Variants in ANKRD50 observed in about 807,000 individuals in gnomAD.
ANKRD50 encodes the protein ankyrin repeat domain 50, also known as ankyrin repeat domain-containing protein 50.
In ANKRD50, 40 loss-of-function variants were observed where a neutral mutation model predicts 112.0. The observed-to-expected ratio is 0.36, with a 90% confidence interval of 0.28 to 0.46. The LOEUF is 0.46. Ranked by LOEUF, ANKRD50 falls within the 20% of genes least tolerant of loss-of-function variation. The pLI is 1.00. For synonymous variants in ANKRD50, 613 were observed against 619.1 expected, an observed-to-expected ratio of 0.99 and a Z score of 0.15; for missense variants, 1,487 against 1,701.7, an observed-to-expected ratio of 0.87 and a Z score of 2.22.
In ANKRD50 at chr4:124,689,751, G is replaced by A. The variant is rs546970824; in HGVS notation, c.513-10846C>T. 3.3e-5 allele frequency among the ~76,000 whole-genome samples: 5 copies of A among 152,282 alleles called. No individual in the cohort carries two copies. In the South Asian group the frequency reaches 8.3e-4, roughly 25 times the overall value. On this transcript the variant is annotated intron_variant, in intron 2 of 4. Coordinates refer to ENST00000504087, the MANE Select transcript of ANKRD50 (RefSeq NM_020337.3). ...AGTGGCTCTCCTGGGTTTGCAGCTT[G>A]TTGACTACAGGTCTTAGGATTTCTT... is the stretch of plus-strand genomic sequence containing the variant.
At position 124,705,097 on chromosome 4, in the gene ANKRD50, A is replaced by C. The variant is rs183091080; in HGVS notation, c.512+4903T>G. Among the ~76,000 whole-genome samples the C allele has an allele frequency of 3.0e-3, 431 of 145,324 alleles. 1 individual carries two copies. The highest frequency in any genetic ancestry group is 0.011 in the African/African-American group (411 of 38,294). Reference sequence around the variant, plus strand: ...TAACAGAGCAAGACTCCATCTCAAAAAAACAAACAAACAAACAAACAAAAA... The same window carrying C: ...TAACAGAGCAAGACTCCATCTCAAACAAACAAACAAACAAACAAACAAAAA... On this transcript the variant is annotated intron_variant, in intron 2 of 4. Transcript: ENST00000504087.
rs976470429 is a variant in ANKRD50, at chr4:124,665,392, G to A, written c.*2126C>T. On this transcript the variant is annotated 3_prime_UTR_variant, in exon 5 of 5. Transcript: ENST00000504087. ...ATCCCTTATGCAATGTCATATCTTC[G>A]CCCTTTGGACACAAGGTGCAATTTT... 4 of 152,094 alleles carry A rather than the reference G, an allele frequency of 2.6e-5. No individual in the cohort carries two copies. The highest frequency in any genetic ancestry group is 2.0e-4 in the Admixed American group (3 of 15,192). 9.4% of individuals were successfully genotyped at this position (152,094 alleles called of 1,614,324 possible).
Position 124,669,951 on chromosome 4 carries a change from G to T in ANKRD50, c.3326C>A (p.Ser1109Tyr). The T allele has an allele frequency of 6.2e-7, 1 of 1,612,254 alleles. No individual in the cohort carries two copies. Among genetic ancestry groups the T allele is most frequent in the Non-Finnish European group, 8.5e-7 (1 of 1,179,514 alleles). ...KYGASSLNGC[S>Y]PSPVHTMEQK... is the part of the protein sequence containing the mutation. ...CTCCATTGTGTGAACAGGAGATGGG[G>T]AACAGCCATTCAAACTAGATGCACC... is the stretch of plus-strand genomic sequence containing the variant. The change falls in exon 4 of 5, where the codon TCC becomes TAC. Residue 1109 changes from serine (S) to tyrosine (Y), a missense_variant. Ser to Tyr is a moderately radical substitution (Grantham distance 144). This residue lies in a region of ANKRD50 where 441 missense variants were observed against 432.2 expected (regional missense o/e 1.02). Coordinates refer to ENST00000504087, the MANE Select transcript of ANKRD50 (RefSeq NM_020337.3).
At chr4:124,668,875 C>G (rs1016312252) in intron 4 of ANKRD50, 109 bp downstream of exon 4, 1 of 1,019,362 alleles carries the variant, frequency 9.8e-7, no homozygotes, top group African/African-American at 1.6e-5. Flanking sequence ...CAGATGACAT[C>G]TGAGTAGAGA....
rs1310470598 is a variant in ANKRD50, at chr4:124,671,014, C to T, written c.2263G>A (p.Ala755Thr). Residue 755 changes from alanine to threonine, a missense_variant, in exon 4 of 5, where the codon GCT becomes ACT. By Grantham distance (58) the Ala-to-Thr change is moderately conservative. Coordinates refer to ENST00000504087, the MANE Select transcript of ANKRD50 (RefSeq NM_020337.3). ...ACATCAACATGTCCTTCATAGGCAGCTACCAGCAGTGGAGTCATGCCATCT... is the reference window on the plus strand; with the variant it reads ...ACATCAACATGTCCTTCATAGGCAGTTACCAGCAGTGGAGTCATGCCATCT... ...DKDGMTPLLV[A>T]AYEGHVDVVD... 1 of 1,613,836 alleles carries T rather than the reference C, an allele frequency of 6.2e-7. No homozygotes were observed. The highest frequency in any genetic ancestry group is 8.5e-7 in the Non-Finnish European group (1 of 1,179,874).
intron 2 of ANKRD50, among the ~76,000 whole-genome samples, chr4:124,681,955 T>C (rs1190428938): frequency 6.6e-6 from 1 of 152,212 alleles, no homozygotes; most frequent in African/African-American, 2.4e-5. Flanking sequence ...TTTAATAGAA[T>C]TGTATCAGAT....
intron 2 of ANKRD50, among the ~76,000 whole-genome samples, chr4:124,688,191 AAAC>A (rs967591412): frequency 1.4e-4 from 22 of 152,348 alleles, no homozygotes; most frequent in African/African-American, 5.0e-4. Context: ...AAAAAAGGAA[AAAC>A]AACTACTATT....
intron 2 of ANKRD50, among the ~76,000 whole-genome samples, chr4:124,688,951 T>C (rs991061780): frequency 5.3e-5 from 8 of 152,158 alleles, no homozygotes; most frequent in Non-Finnish European, 1.2e-4. Flanking sequence ...TATTATCCTT[T>C]AGAGATCAGC....
At chr4:124,707,005 C>A (rs1232126467) in intron 2 of ANKRD50, among the ~76,000 whole-genome samples, 1 of 151,974 alleles carries the variant, frequency 6.6e-6, no homozygotes, top group Admixed American at 6.6e-5. Context: ...GTCAAAGAAT[C>A]TTAAGTTGAA....
At chr4:124,705,966 A>G (rs1725495808) in intron 2 of ANKRD50, among the ~76,000 whole-genome samples, 1 of 152,194 alleles carries the variant, frequency 6.6e-6, no homozygotes, top group Non-Finnish European at 1.5e-5. Flanking sequence ...TTAACCAGAT[A>G]CGAAAAATAA....
At chr4:124,699,315 T>C (rs1255218127) in intron 2 of ANKRD50, among the ~76,000 whole-genome samples, 1 of 151,926 alleles carries the variant, frequency 6.6e-6, no homozygotes, top group Non-Finnish European at 1.5e-5. Flanking sequence ...TACTTTCCCG[T>C]ATCACTGAAA....
intron 2 of ANKRD50, among the ~76,000 whole-genome samples, chr4:124,701,771 C>T (rs1725397705): frequency 2.0e-5 from 3 of 151,994 alleles, no homozygotes; most frequent in African/African-American, 7.3e-5. Flanking sequence ...AGTGATCCTT[C>T]CACCTCAGCC....
chr4:124,687,383 T>G (rs895581634), intron 2 of ANKRD50, among the ~76,000 whole-genome samples: 1 of 152,114 alleles, frequency 6.6e-6, no homozygotes, highest in Non-Finnish European at 1.5e-5. Flanking sequence ...CCACAAAAAT[T>G]TACTCAACAC....
chr4:124,705,273 C>T (rs565839759), intron 2 of ANKRD50, among the ~76,000 whole-genome samples: 3 of 152,202 alleles, frequency 2.0e-5, no homozygotes, highest in Non-Finnish European at 4.4e-5. Context: ...CCAGTTTGCA[C>T]TCTTTTTCAA....
At chr4:124,686,469 T>C (rs1725009809) in intron 2 of ANKRD50, among the ~76,000 whole-genome samples, 1 of 152,092 alleles carries the variant, frequency 6.6e-6, no homozygotes, top group African/African-American at 2.4e-5. Context: ...CCACCCTGGC[T>C]GGGAAAGGTA....
At chr4:124,680,918 T>A (rs1354998894) in intron 2 of ANKRD50, among the ~76,000 whole-genome samples, 1 of 151,818 alleles carries the variant, frequency 6.6e-6, no homozygotes, top group East Asian at 1.9e-4. Flanking sequence ...ACCAGTGAAG[T>A]ATGGAAGAAA....
chr4:124,682,289 G>A (rs1418231236), intron 2 of ANKRD50, among the ~76,000 whole-genome samples: 2 of 135,524 alleles, frequency 1.5e-5, no homozygotes, highest in African/African-American at 5.7e-5. Context: ...GCAGTCCGCA[G>A]TCCGGCCTGG....
intron 2 of ANKRD50, among the ~76,000 whole-genome samples, chr4:124,702,723 T>C (rs1242481197): frequency 6.6e-6 from 1 of 152,186 alleles, no homozygotes; most frequent in Non-Finnish European, 1.5e-5. Context: ...TCTTAGCACT[T>C]ATCAAAGGTG....
chr4:124,668,939 G>C, intron 4 of ANKRD50, 45 bp downstream of exon 4: 1 of 1,496,202 alleles, frequency 6.7e-7, no homozygotes, highest in Non-Finnish European at 9.1e-7. Flanking sequence ...CAAGTAGAGG[G>C]AACTCTACTT....
Sources: allele counts gnomAD v4.1 joint callset (sites outside exome capture counted in the v4.1 genomes callset), GRCh38; gene constraint gnomAD v4.1.1; regional missense constraint gnomAD v4.1.1; transcripts MANE v1.5; gene names NCBI Gene and HGNC (gene_info 2026-07-23, HGNC 2026-07-21).